The following VAV2 variants were observed in gnomAD, a reference collection of about 807,000 sequenced individuals.
The protein encoded by VAV2 is vav guanine nucleotide exchange factor 2, also known as guanine nucleotide exchange factor VAV2.
VAV2 carries 67 observed loss-of-function variants against 132.5 expected under a neutral mutation model. The ratio of observed to expected loss-of-function variants is 0.51; its 90% CI spans 0.42 to 0.62. The LOEUF (loss-of-function observed/expected upper bound fraction) is 0.62, where lower values mean the gene tolerates loss of function less well. Ranked by LOEUF, VAV2 falls within the 20% of genes least tolerant of loss-of-function variation. VAV2 has a pLI of 0.00. For missense variants in VAV2, 938 were observed against 1,153.6 expected (o/e 0.81, Z 2.71); for synonymous variants, 492 against 443.5 (o/e 1.11, Z -1.37).
At chr9:133,807,578 C>T (rs1835200064) in intron 7 of VAV2, among the ~76,000 whole-genome samples, 1 of 152,232 alleles carries the variant, frequency 6.6e-6, no homozygotes, top group Non-Finnish European at 1.5e-5. Flanking sequence ...GCCACTCACA[C>T]ACAGGGTGGA....
At chr9:133,774,487 C>T (rs921638390) in intron 25 of VAV2, among the ~76,000 whole-genome samples, 2 of 152,182 alleles carry the variant, frequency 1.3e-5, no homozygotes, top group African/African-American at 4.8e-5. Flanking sequence ...GGAGGATGCC[C>T]AGACTGTGCC....
chr9:133,948,749 C>A (rs1841455798), intron 1 of VAV2, among the ~76,000 whole-genome samples: 3 of 152,258 alleles, frequency 2.0e-5, no homozygotes, highest in Admixed American at 6.5e-5. Context: ...ACAGCGCCCG[C>A]TGAGTCCGTG....
chr9:133,777,381 G>T lies in VAV2; in HGVS notation c.1965+8C>A. ...GTGCTCCAGAAGCTTCTGTGGGAAA[G>T]GACTCACCCTTCCATCCACAGGGCA... On this transcript the variant is annotated splice_region_variant and intron_variant, in intron 23 of 29. Transcript: ENST00000371850. 6.2e-7 allele frequency: 1 copy of T among 1,613,622 alleles called. No homozygotes were observed. Among genetic ancestry groups the T allele is most frequent in the Non-Finnish European group, 8.5e-7 (1 of 1,179,928 alleles).
chr9:133,945,790 G>A (rs1041868094), intron 1 of VAV2, among the ~76,000 whole-genome samples: 9 of 152,170 alleles, frequency 5.9e-5, no homozygotes, highest in East Asian at 5.8e-4. Context: ...CTGAACCACC[G>A]ACTCCTGTCC....
chr9:133,830,622 C>T (rs1336887761), intron 4 of VAV2, among the ~76,000 whole-genome samples: 1 of 152,182 alleles, frequency 6.6e-6, no homozygotes, highest in African/African-American at 2.4e-5. Context: ...AACCTCTTTC[C>T]TTTACAATTC....
intron 2 of VAV2, among the ~76,000 whole-genome samples, chr9:133,911,870 G>T (rs1839897054): frequency 6.6e-6 from 1 of 152,218 alleles, no homozygotes; most frequent in African/African-American, 2.4e-5. Flanking sequence ...CTCTCACGTG[G>T]CCCAGAGCCC....
At chr9:133,921,881 C>A (rs541415617) in intron 2 of VAV2, among the ~76,000 whole-genome samples, 2 of 152,344 alleles carry the variant, frequency 1.3e-5, no homozygotes, top group Non-Finnish European at 2.9e-5. Context: ...GTGCTGGATG[C>A]GAGTGTGGTT....
At chr9:133,880,627 G>A (rs1234727484) in intron 2 of VAV2, among the ~76,000 whole-genome samples, 1 of 152,192 alleles carries the variant, frequency 6.6e-6, no homozygotes, top group Non-Finnish European at 1.5e-5. Context: ...TTGGGACAGA[G>A]GACATAAAGG....
chr9:133,858,590 C>T (rs935431171), intron 3 of VAV2, among the ~76,000 whole-genome samples: 1 of 152,216 alleles, frequency 6.6e-6, no homozygotes, highest in Non-Finnish European at 1.5e-5. Flanking sequence ...GGACCCCACA[C>T]ACACCCTGCT....
intron 3 of VAV2, among the ~76,000 whole-genome samples, chr9:133,843,076 C>T (rs972925431): frequency 5.9e-5 from 9 of 152,174 alleles, no homozygotes; most frequent in South Asian, 2.1e-4. Context: ...TTCCTCAGCG[C>T]GCCATCCCAC....
At chr9:133,835,477 G>T (rs1836434454) in intron 3 of VAV2, among the ~76,000 whole-genome samples, 1 of 152,308 alleles carries the variant, frequency 6.6e-6, no homozygotes, top group South Asian at 2.1e-4. Context: ...GCTGCAGCTG[G>T]CTCAACGCTA....
chr9:133,911,008 G>A (rs897062209), intron 2 of VAV2, among the ~76,000 whole-genome samples: 4 of 152,064 alleles, frequency 2.6e-5, no homozygotes, highest in African/African-American at 9.7e-5. Context: ...TGAAGCTACA[G>A]CTGGGAGCGC....
At chr9:133,847,629 C>A (rs919417753) in intron 3 of VAV2, among the ~76,000 whole-genome samples, 9 of 152,208 alleles carry the variant, frequency 5.9e-5, no homozygotes, top group Non-Finnish European at 8.8e-5. Flanking sequence ...CCCAGGCAGA[C>A]CCCACTTGAG....
rs757480429 is a variant in VAV2, at chr9:133,857,120, T to G, written c.380+4254A>C. Among the ~76,000 whole-genome samples the G allele has an allele frequency of 6.6e-6, 1 of 152,166 alleles. No individual in the cohort carries two copies. The highest frequency in any genetic ancestry group is 1.5e-5 in the Non-Finnish European group (1 of 68,016). On this transcript the variant is annotated intron_variant, in intron 3 of 29. Transcript: ENST00000371850. The surrounding 1 kb of genome is among the most constrained non-coding windows in gnomAD (Gnocchi z 4.0). ...TGACCTCCCAGCCTGAGGACACCTT[T>G]CGGTTTCCTTCTCAGGAAGTCCTAC...
intron 2 of VAV2, among the ~76,000 whole-genome samples, chr9:133,936,416 T>C (rs927419508): frequency 6.6e-6 from 1 of 152,072 alleles, no homozygotes; most frequent in African/African-American, 2.4e-5. Context: ...CTGCTTTTTG[T>C]ATTTTTATTA....
chr9:133,875,040 G>A (rs980025877), intron 2 of VAV2, among the ~76,000 whole-genome samples: 11 of 152,188 alleles, frequency 7.2e-5, no homozygotes, highest in African/African-American at 2.4e-4. Context: ...GAACAAGGGT[G>A]GGAATGAGGA....
chr9:133,886,064 G>T (rs1403586094), intron 2 of VAV2, among the ~76,000 whole-genome samples: 1 of 152,204 alleles, frequency 6.6e-6, no homozygotes, highest in Non-Finnish European at 1.5e-5. Context: ...GCCCAGCCGG[G>T]CCCAGAGCCA....
At position 133,791,739 on chromosome 9, in the gene VAV2, G is replaced by A. The variant is rs377015828; in HGVS notation, c.1188+44C>T. On this transcript the variant is annotated intron_variant, in intron 13 of 29. Coordinates refer to ENST00000371850, the MANE Select transcript of VAV2 (RefSeq NM_001134398.2). Reference sequence around the variant, plus strand: ...GCTGTGAACGTGACTTTATAGGTACGTCCTCATCGACCTTCCCTAGCCTGA... The same window carrying A: ...GCTGTGAACGTGACTTTATAGGTACATCCTCATCGACCTTCCCTAGCCTGA... 2.9e-4 allele frequency: 443 copies of A among 1,543,442 alleles called. 3 individuals are homozygous for A. The highest frequency in any genetic ancestry group is 1.7e-4 in the South Asian group (15 of 89,584).
At chr9:133,864,688 G>A (rs1837731365) in intron 2 of VAV2, among the ~76,000 whole-genome samples, 1 of 152,246 alleles carries the variant, frequency 6.6e-6, no homozygotes, top group Non-Finnish European at 1.5e-5. Context: ...GGCTGGATAT[G>A]CAGCCCGCTG....
Sources: gnomAD v4.1 joint callset for allele counts (sites outside exome capture counted in the v4.1 genomes callset) on GRCh38, gnomAD v4.1.1 for gene constraint, Gnocchi (gnomAD v3.1) non-coding constraint, MANE v1.5 for transcripts, NCBI Gene and HGNC (gene_info 2026-07-23, HGNC 2026-07-21) for gene names.